DAB1: variants seen among roughly 807,000 people sequenced by gnomAD.
The protein encoded by DAB1 is DAB adaptor protein 1.
In DAB1, 15 loss-of-function variants were observed where a neutral mutation model predicts 64.6. The ratio of observed to expected loss-of-function variants is 0.23; its 90% CI spans 0.16 to 0.36. The LOEUF is 0.36. DAB1 is among the 10% of genes least tolerant of loss of function. The probability of loss-of-function intolerance (pLI) is 1.00; values close to 1 mark genes in which losing one functional copy is unlikely to be tolerated. For missense variants in DAB1, 596 were observed against 706.7 expected (o/e 0.84, Z 1.78); for synonymous variants, 235 against 251.9 (o/e 0.93, Z 0.64).
intron 3 of DAB1, among the ~76,000 whole-genome samples, chr1:58,378,843 G>A (rs1402706324): frequency 1.9e-4 from 18 of 94,834 alleles, no homozygotes; most frequent in African/African-American, 6.2e-4. Context: ...TTCCGTGGGC[G>A]TAGGACCCTC....
intron 6 of DAB1, among the ~76,000 whole-genome samples, chr1:57,677,817 A>C (rs929851523): frequency 6.6e-6 from 1 of 152,168 alleles, no homozygotes; most frequent in Non-Finnish European, 1.5e-5. Context: ...ATTCATTGGG[A>C]GCAAAGAAGA....
intron 6 of DAB1, among the ~76,000 whole-genome samples, chr1:57,725,765 T>G (rs1282584600): frequency 6.6e-6 from 1 of 152,134 alleles, no homozygotes; most frequent in East Asian, 1.9e-4. Flanking sequence ...TTTCTTTTTT[T>G]TTTTGAGACA....
In DAB1 at chr1:57,921,849, A is replaced by G. The variant is rs530367860; in HGVS notation, n.388-37687T>C. Among the ~76,000 whole-genome samples the G allele has an allele frequency of 6.6e-5, 10 of 152,212 alleles. No individual in the cohort carries two copies. The East Asian group carries it at 1.2e-3, about 18-fold the overall frequency. On this transcript the variant is annotated intron_variant and non_coding_transcript_variant, in intron 5 of 20. Coordinates refer to the DAB1 transcript ENST00000485760. ...CCCACCATGGCCTCTAAGGACCCCA[A>G]TGGCTGTGGCCACAGCCATCCCCTT...
intron 6 of DAB1, among the ~76,000 whole-genome samples, chr1:57,746,165 C>A (rs1019383093): frequency 1.3e-5 from 2 of 152,096 alleles, no homozygotes; most frequent in Non-Finnish European, 2.9e-5. Flanking sequence ...TCTTTCCATG[C>A]ACATGTCCAT....
intron 5 of DAB1, among the ~76,000 whole-genome samples, chr1:58,105,416 G>T (rs546188348): frequency 6.6e-6 from 1 of 152,122 alleles, no homozygotes; most frequent in Non-Finnish European, 1.5e-5. Flanking sequence ...CTGGGTGCCC[G>T]CATGCATCAT....
chr1:58,476,300 T>G (rs1346317491), intron 3 of DAB1, among the ~76,000 whole-genome samples: 1 of 152,184 alleles, frequency 6.6e-6, no homozygotes. Flanking sequence ...GCTTGGTCTT[T>G]GATGATATCA....
chr1:57,132,709 C>T (rs1047367754), intron 4 of DAB1, among the ~76,000 whole-genome samples: 4 of 152,030 alleles, frequency 2.6e-5, no homozygotes, highest in Admixed American at 1.3e-4. Context: ...GATACTCAAC[C>T]TGTATTGTCT....
intron 4 of DAB1, among the ~76,000 whole-genome samples, chr1:58,257,171 T>C (rs765617779): frequency 2.6e-5 from 4 of 152,204 alleles, no homozygotes; most frequent in Non-Finnish European, 4.4e-5. Flanking sequence ...CTATGTTCAG[T>C]GTGTGATATC....
chr1:58,267,051 C>T (rs1313684731), intron 4 of DAB1, among the ~76,000 whole-genome samples: 2 of 152,088 alleles, frequency 1.3e-5, no homozygotes, highest in Non-Finnish European at 2.9e-5. Context: ...GAAACTCTGT[C>T]TCTACTAAAA....
chr1:57,851,412 A>T (rs1228424971), intron 1 of DAB1, among the ~76,000 whole-genome samples: 1 of 152,192 alleles, frequency 6.6e-6, no homozygotes, highest in Non-Finnish European at 1.5e-5. Flanking sequence ...GAAAGCCCCA[A>T]ATACTAGAGC....
intron 2 of DAB1, among the ~76,000 whole-genome samples, chr1:57,191,238 T>C (rs965783081): frequency 6.6e-6 from 1 of 152,210 alleles, no homozygotes; most frequent in Non-Finnish European, 1.5e-5. Flanking sequence ...TTTCTTCAAG[T>C]TATTATCCTC....
intron 6 of DAB1, among the ~76,000 whole-genome samples, chr1:57,661,320 G>A (rs564985145): frequency 1.3e-5 from 2 of 152,316 alleles, no homozygotes; most frequent in Admixed American, 6.5e-5. Flanking sequence ...GGCTCTTTCT[G>A]TGTAATCTTG....
At chr1:57,098,462 T>C (rs986585056) in intron 4 of DAB1, among the ~76,000 whole-genome samples, 1 of 152,180 alleles carries the variant, frequency 6.6e-6, no homozygotes, top group Non-Finnish European at 1.5e-5. Flanking sequence ...CCCATTACCA[T>C]CTAATTGGAG....
intron 9 of DAB1, among the ~76,000 whole-genome samples, chr1:57,049,926 T>A (rs1452320421): frequency 6.6e-6 from 1 of 152,190 alleles, no homozygotes; most frequent in Non-Finnish European, 1.5e-5. Context: ...TTTGTGGCAG[T>A]GGCTGAGTCT....
intron 3 of DAB1, among the ~76,000 whole-genome samples, chr1:57,139,379 C>A (rs1570762631): frequency 6.6e-6 from 1 of 152,242 alleles, no homozygotes; most frequent in East Asian, 1.9e-4. Flanking sequence ...TCACTGGACA[C>A]CAAACCTGCT....
chr1:58,197,181 C>A (rs1657722387), intron 4 of DAB1, among the ~76,000 whole-genome samples: 2 of 152,096 alleles, frequency 1.3e-5, no homozygotes, highest in Admixed American at 1.3e-4. Context: ...CAGTGGCCTA[C>A]AACATGAATG....
At chr1:57,301,717 G>C (rs141023032) in intron 1 of DAB1, among the ~76,000 whole-genome samples, 73 of 152,198 alleles carry the variant, frequency 4.8e-4, no homozygotes, top group Middle Eastern at 3.4e-3. Context: ...GAACAGAACC[G>C]ACACCTGTAA....
chr1:57,326,383 A>G (rs537539006), intron 1 of DAB1, among the ~76,000 whole-genome samples: 1 of 152,350 alleles, frequency 6.6e-6, no homozygotes, highest in African/African-American at 2.4e-5. Context: ...TAACATTTGC[A>G]GAAAACTAGT....
chr1:58,100,750 C>T (rs12085768), intron 5 of DAB1, among the ~76,000 whole-genome samples: 4,673 of 152,182 alleles, frequency 0.031, 152 homozygotes, highest in African/African-American at 0.068. Context: ...CCAGTGGAGA[C>T]GGATTTTTCT....
Sources: gnomAD v4.1 joint callset for allele counts (sites outside exome capture counted in the v4.1 genomes callset) on GRCh38, gnomAD v4.1.1 for gene constraint, MANE v1.5 for transcripts, NCBI Gene and HGNC (gene_info 2026-07-23, HGNC 2026-07-21) for gene names.